The following DDIAS variants were observed in gnomAD, a reference collection of about 807,000 sequenced individuals.
DDIAS encodes the protein DNA damage induced apoptosis suppressor, also known as DNA damage-induced apoptosis suppressor protein.
Under a neutral mutation model 15.7 loss-of-function variants are expected in DDIAS, and 14 were observed. The ratio of observed to expected loss-of-function variants is 0.89; its 90% CI spans 0.59 to 1.39. The LOEUF (loss-of-function observed/expected upper bound fraction) is 1.39, where lower values mean the gene tolerates loss of function less well. DDIAS is among the 40% of genes most tolerant of loss of function. The pLI is 0.00. For missense variants in DDIAS, 1,035 were observed against 1,130.9 expected (o/e 0.92, Z 1.22); for synonymous variants, 355 against 395.9 (o/e 0.90, Z 1.23).
intron 1 of DDIAS, among the ~76,000 whole-genome samples, chr11:82,905,846 A>G (rs1182421014): frequency 6.6e-6 from 1 of 152,230 alleles, no homozygotes; most frequent in Non-Finnish European, 1.5e-5. Context: ...GTTTGCTGTG[A>G]TGGAGCTGAA....
At chr11:82,927,726 T>C (rs1860892303) in intron 3 of DDIAS, among the ~76,000 whole-genome samples, 1 of 152,224 alleles carries the variant, frequency 6.6e-6, no homozygotes, top group South Asian at 2.1e-4. Flanking sequence ...AGAGTTATAA[T>C]ACATTGCAAA....
chr11:82,904,672 A>C (rs1026147332), intron 1 of DDIAS, among the ~76,000 whole-genome samples: 2 of 152,196 alleles, frequency 1.3e-5, no homozygotes, highest in African/African-American at 4.8e-5. Flanking sequence ...CAAACTCTGG[A>C]GTTGGAGCCC....
At chr11:82,913,937 CTT>C in intron 2 of DDIAS, 4 of 416,194 alleles carry the variant, frequency 9.6e-6, no homozygotes, top group Admixed American at 5.3e-5. Flanking sequence ...TTATACAATA[CTT>C]TTTTTTTTCT....
rs374066836 is a variant in DDIAS at position 82,932,304 on chromosome 11, G to C, written c.966G>C (p.Leu322=). Residue 322 remains leucine, a synonymous_variant, in exon 6 of 6, where the codon CTG becomes CTC. Coordinates refer to ENST00000533655, the MANE Select transcript of DDIAS (RefSeq NM_145018.4). ...GKELGLQAKE[L]SAVHSSHHEI... ...AACTTGGCTTACAAGCTAAGGAGCTGAGTGCAGTTCACAGCAGTCATCATG... is the reference window on the plus strand; with the variant it reads ...AACTTGGCTTACAAGCTAAGGAGCTCAGTGCAGTTCACAGCAGTCATCATG... 4 of 1,613,886 alleles carry C rather than the reference G, an allele frequency of 2.5e-6. No homozygotes were observed. The highest frequency in any genetic ancestry group is 3.4e-6 in the Non-Finnish European group (4 of 1,179,918).
chr11:82,923,247 T>A (rs1860794269), intron 3 of DDIAS, among the ~76,000 whole-genome samples: 1 of 152,196 alleles, frequency 6.6e-6, no homozygotes, highest in South Asian at 2.1e-4. Flanking sequence ...TAATCCTGCC[T>A]CCCATCCGCC....
chr11:82,916,179 A>C (rs1860629806), intron 3 of DDIAS, among the ~76,000 whole-genome samples: 1 of 152,196 alleles, frequency 6.6e-6, no homozygotes, highest in Admixed American at 6.5e-5. Context: ...CTCATTTGTA[A>C]GGTGGGATCA....
rs150700476 is a variant in DDIAS, at chr11:82,933,973, G to C, written c.2635G>C (p.Gly879Arg). ...TQKIFPSDML[G>R]FQGIGLGKCL... ...AAAAATATTTCCTTCAGATATGCTT[G>C]GATTCCAAGGCATAGGTCTAGGGAA... The change falls in exon 6 of 6, where the codon GGA (glycine) becomes CGA (arginine). Residue 879 changes from glycine to arginine, a missense_variant. Transcript: ENST00000533655. The C allele has an allele frequency of 8.1e-6, 13 of 1,612,602 alleles. No homozygotes were observed. The African/African-American group carries it at 1.6e-4, about 20-fold the overall frequency.
chr11:82,931,693 A>T, intron 5 of DDIAS, 39 bp from the exon 6 acceptor site: 1 of 1,516,470 alleles, frequency 6.6e-7, no homozygotes, highest in African/African-American at 1.4e-5. Context: ...AATGGAAGAC[A>T]ATTTTATTCT....
Position 82,930,251 on chromosome 11 carries a change from C to G in DDIAS, c.370C>G (p.Gln124Glu). 6.3e-7 allele frequency: 1 copy of G among 1,585,792 alleles called. No homozygotes were observed. Among genetic ancestry groups the G allele is most frequent in the Non-Finnish European group, 8.6e-7 (1 of 1,159,028 alleles). Reference sequence around the variant, plus strand: ...AGCAGTTGAAACTTGCTTTGTTGGACAAAGCTTTATTTTTGGAGTGACGGT... The same window carrying G: ...AGCAGTTGAAACTTGCTTTGTTGGAGAAAGCTTTATTTTTGGAGTGACGGT... ...TKAVETCFVG[Q>E]SFIFGVTNFE... The change falls in exon 5 of 6, where the codon CAA becomes GAA. Residue 124 changes from glutamine to glutamate, a missense_variant. Transcript: ENST00000533655.
intron 3 of DDIAS, among the ~76,000 whole-genome samples, chr11:82,915,977 G>T (rs542462371): frequency 1.3e-5 from 2 of 152,276 alleles, no homozygotes; most frequent in East Asian, 3.9e-4. Context: ...TAATGATGTT[G>T]TTTGAGAATC....
Position 82,933,369 on chromosome 11 carries a change from TG to T in DDIAS, c.2032del (p.Asp678IlefsTer25), listed in dbSNP as rs1442080448. On this transcript the variant is annotated frameshift_variant, in exon 6 of 6. Coordinates refer to ENST00000533655, the MANE Select transcript of DDIAS (RefSeq NM_145018.4). LOFTEE classifies it low-confidence loss of function (END_TRUNC). ...GYEGSYDASA[D>X]LFDDIAKEMD... ...ATGAAGGTAGCTATGATGCCTCTGC[TG>T]ATCTCTTTGATGATATTGCTAAAGA... The T allele has an allele frequency of 1.2e-6, 2 of 1,614,076 alleles. No individual in the cohort carries two copies. Among genetic ancestry groups the T allele is most frequent in the South Asian group, 1.1e-5 (1 of 91,086 alleles).
chr11:82,919,049 A>G (rs1860689071), intron 3 of DDIAS, among the ~76,000 whole-genome samples: 1 of 152,158 alleles, frequency 6.6e-6, no homozygotes, highest in East Asian at 1.9e-4. Flanking sequence ...AAACAGTGAC[A>G]GTTTGACTTC....
intron 3 of DDIAS, among the ~76,000 whole-genome samples, chr11:82,927,031 T>G (rs925952100): frequency 6.6e-6 from 1 of 152,198 alleles, no homozygotes; most frequent in Non-Finnish European, 1.5e-5. Context: ...AGTCTTGGGT[T>G]TGGGTCATAT....
intron 3 of DDIAS, among the ~76,000 whole-genome samples, chr11:82,924,145 T>C (rs568533851): frequency 1.9e-4 from 29 of 152,386 alleles, no homozygotes; most frequent in Non-Finnish European, 2.5e-4. Flanking sequence ...AAATTTAATT[T>C]CACACATATA....
In DDIAS at chr11:82,933,520, A is replaced by G. The variant is rs983536021; in HGVS notation, c.2182A>G (p.Ile728Val). The G allele has an allele frequency of 8.1e-6, 13 of 1,613,980 alleles. No individual in the cohort carries two copies. In the African/African-American group the frequency reaches 1.7e-4, roughly 22 times the overall value. ...FSLRSLSEDF[I>V]QPSQKLSLQS... is the part of the protein sequence containing the mutation. ...ACTGAGATCACTTTCTGAAGACTTC[A>G]TCCAGCCTTCACAAAAATTATCCTT... The change falls in exon 6 of 6, where the codon ATC becomes GTC. Residue 728 changes from isoleucine (I) to valine (V), a missense_variant. Transcript: ENST00000533655.
chr11:82,918,970 T>C (rs1860687677), intron 3 of DDIAS, among the ~76,000 whole-genome samples: 1 of 152,202 alleles, frequency 6.6e-6, no homozygotes, highest in Admixed American at 6.5e-5. Context: ...GGCTGAATTC[T>C]TTTATCAGTT....
intron 3 of DDIAS, among the ~76,000 whole-genome samples, chr11:82,916,360 C>T (rs1209076094): frequency 6.6e-6 from 1 of 152,068 alleles, no homozygotes; most frequent in Non-Finnish European, 1.5e-5. Context: ...AAGCATAATT[C>T]TCTGGAGCTG....
At chr11:82,923,362 C>T (rs953982078) in intron 3 of DDIAS, among the ~76,000 whole-genome samples, 12 of 152,332 alleles carry the variant, frequency 7.9e-5, no homozygotes, top group African/African-American at 2.6e-4. Flanking sequence ...AGAAATTCCT[C>T]ATGTTCATTT....
chr11:82,915,371 T>G (rs1860611325), intron 3 of DDIAS, among the ~76,000 whole-genome samples: 1 of 152,128 alleles, frequency 6.6e-6, no homozygotes, highest in Non-Finnish European at 1.5e-5. Context: ...CTTTATAGAG[T>G]AGAAACGAGA....
Sources: gnomAD v4.1 joint callset for allele counts (sites outside exome capture counted in the v4.1 genomes callset) on GRCh38, gnomAD v4.1.1 for gene constraint, MANE v1.5 for transcripts, NCBI Gene and HGNC (gene_info 2026-07-23, HGNC 2026-07-21) for gene names.